Variants in UTP20 observed in about 807,000 individuals in gnomAD.
UTP20 encodes UTP20 small subunit processome component.
Under a neutral mutation model 329.5 loss-of-function variants are expected in UTP20, and 164 were observed. The observed-to-expected ratio is 0.50, with a 90% CI of 0.44 to 0.57. The LOEUF is 0.57. Ranked by LOEUF, UTP20 falls within the 20% of genes least tolerant of loss-of-function variation. UTP20 has a pLI of 0.00. For missense variants in UTP20, 3,055 were observed against 3,284.2 expected, an observed-to-expected ratio of 0.93 and a Z score of 1.71; for synonymous variants, 1,151 against 1,159.3, an observed-to-expected ratio of 0.99 and a Z score of 0.14.
chr12:101,367,867 A>T lies in UTP20; in HGVS notation c.6275A>T (p.His2092Leu), dbSNP rs1187769913. Residue 2092 changes from histidine (H) to leucine (L), a missense_variant, in exon 48 of 62, where the codon CAT becomes CTT. Physicochemically the swap from His to Leu is moderately conservative, Grantham distance 99. This residue lies in a region of UTP20 where 2,445 missense variants were observed against 2,575.5 expected (regional missense o/e 0.95). Transcript: ENST00000261637. ...CTGTTTGAACTCTCTTAGCTGCTGC[A>T]TCTGAGTCTGAAGACTTCCAAGATC... ...IFIESGLRLL[H>L]LSLKTSKIKS... 4 of 1,612,610 alleles carry T rather than the reference A, an allele frequency of 2.5e-6. No individual in the cohort carries two copies. Among genetic ancestry groups the T allele is most frequent in the East Asian group, 2.2e-5 (1 of 44,866 alleles).
chr12:101,309,746 G>A lies in UTP20; in HGVS notation c.2155-17G>A. On this transcript the variant is annotated splice_polypyrimidine_tract_variant and intron_variant, in intron 18 of 61. Transcript: ENST00000261637. ...TATTTCATTACCCAATACTAAACTAGTCTTTTGTAATTGCAGGTGCCGCTT... is the reference window on the plus strand; with the variant it reads ...TATTTCATTACCCAATACTAAACTAATCTTTTGTAATTGCAGGTGCCGCTT... 1 of 1,611,056 alleles carries A rather than the reference G, an allele frequency of 6.2e-7. No individual in the cohort carries two copies.
chr12:101,295,537 G>A lies in UTP20; in HGVS notation c.1309G>A (p.Val437Ile), dbSNP rs1362473601. ...GAATTGCTTCTTAATTGATGATGCT[G>A]TAGTCAAAGATGAAGCTCTGGCCAT... ...IVNCFLIDDA[V>I]VKDEALAILA... The change falls in exon 12 of 62, where the codon GTA becomes ATA. Residue 437 changes from valine (V) to isoleucine (I), a missense_variant. This residue lies in a region of UTP20 where 2,445 missense variants were observed against 2,575.5 expected (regional missense o/e 0.95). Transcript: ENST00000261637. The A allele has an allele frequency of 3.7e-6, 6 of 1,612,356 alleles. No homozygotes were observed. Among genetic ancestry groups the A allele is most frequent in the Non-Finnish European group, 5.1e-6 (6 of 1,179,392 alleles).
intron 25 of UTP20, among the ~76,000 whole-genome samples, chr12:101,325,410 C>T (rs1868521007): frequency 6.6e-6 from 1 of 152,176 alleles, no homozygotes; most frequent in African/African-American, 2.4e-5. Context: ...AAGACATTAT[C>T]TTTTTCACTG....
At chr12:101,286,835 C>G (rs1871975778) in intron 5 of UTP20, among the ~76,000 whole-genome samples, 1 of 152,070 alleles carries the variant, frequency 6.6e-6, no homozygotes, top group African/African-American at 2.4e-5. Context: ...TGTCACACAA[C>G]TTTTACCAGA....
intron 12 of UTP20, among the ~76,000 whole-genome samples, chr12:101,298,284 A>G (rs1005417313): frequency 9.2e-5 from 14 of 152,148 alleles, no homozygotes; most frequent in African/African-American, 3.4e-4. Flanking sequence ...TGATCGTGAT[A>G]AAAGAAGACA....
At position 101,379,320 on chromosome 12, in the gene UTP20, TCTAATCAGGAAGGCCATGTGA is replaced by T. The variant is rs754566708; in HGVS notation, c.7397-49_7397-29del. The T allele has an allele frequency of 2.2e-5, 32 of 1,485,600 alleles. No individual in the cohort carries two copies. In the South Asian group the frequency reaches 3.7e-4, roughly 17 times the overall value. The allele number at this position is 1,485,600 out of a possible 1,614,324, so 92.0% of individuals were successfully genotyped here. ...AATGCTTAACTTAGTCATATTTACC[TCTAATCAGGAAGGCCATGTGA>T]CATCCACAAATGCTTTTTGGTTCCC... On this transcript the variant is annotated intron_variant, in intron 56 of 61. Transcript: ENST00000261637.
intron 25 of UTP20, chr12:101,326,757 T>C (rs565548526): frequency 6.1e-6 from 1 of 164,994 alleles, no homozygotes; most frequent in South Asian, 2.0e-4. Flanking sequence ...TGTTTGAATT[T>C]TTGAATTTTT....
At chr12:101,292,799 G>A (rs1872208155) in intron 10 of UTP20, among the ~76,000 whole-genome samples, 1 of 152,210 alleles carries the variant, frequency 6.6e-6, no homozygotes, top group Non-Finnish European at 1.5e-5. Context: ...AGAATTCCAA[G>A]CAGGGATATG....
Position 101,375,747 on chromosome 12 carries a change from A to G in UTP20, c.7387A>G (p.Lys2463Glu). The stretch of plus-strand genomic sequence containing the variant: ...TACCAAACCCGCTGAGACTTTGAGT[A>G]AAATCTGGAGTAAGTATTTCCTTTT... ...QFTKPAETLS[K>E]IWSHVHSHLR... The change falls in exon 56 of 62, where the codon AAA becomes GAA. Residue 2463 changes from lysine to glutamate, a missense_variant. Physicochemically the swap from Lys to Glu is moderately conservative, Grantham distance 56. Coordinates refer to ENST00000261637, the MANE Select transcript of UTP20 (RefSeq NM_014503.3). 1 of 1,557,090 alleles carries G rather than the reference A, an allele frequency of 6.4e-7. No homozygotes were observed. Among genetic ancestry groups the G allele is most frequent in the Non-Finnish European group, 8.8e-7 (1 of 1,135,104 alleles).
intron 38 of UTP20, among the ~76,000 whole-genome samples, chr12:101,349,227 T>G (rs1431921728): frequency 1.3e-5 from 2 of 152,044 alleles, no homozygotes; most frequent in Non-Finnish European, 2.9e-5. Context: ...AGACAGTTTC[T>G]GGATTTTTTT....
At chr12:101,302,783 T>A (rs1257014357) in intron 15 of UTP20, among the ~76,000 whole-genome samples, 3 of 151,932 alleles carry the variant, frequency 2.0e-5, no homozygotes. Flanking sequence ...GTGTGTAGAT[T>A]AATGTCGTAA....
intron 2 of UTP20, among the ~76,000 whole-genome samples, chr12:101,281,698 A>G (rs1188791822): frequency 1.3e-5 from 2 of 152,058 alleles, no homozygotes; most frequent in African/African-American, 4.8e-5. Context: ...CCTTTATTTT[A>G]CTTTTATTTA....
chr12:101,282,044 G>A (rs115203631), intron 2 of UTP20, among the ~76,000 whole-genome samples: 350 of 152,166 alleles, frequency 2.3e-3, no homozygotes, highest in African/African-American at 7.3e-3. Context: ...GCATCATGTC[G>A]TTATTCCTCC....
At chr12:101,328,789 G>A (rs1405918716) in intron 26 of UTP20, among the ~76,000 whole-genome samples, 1 of 151,256 alleles carries the variant, frequency 6.6e-6, no homozygotes, top group African/African-American at 2.4e-5. Flanking sequence ...GAACCGCGTG[G>A]ACCCGGGAGG....
chr12:101,354,976 C>T lies in UTP20; in HGVS notation c.5252C>T (p.Ser1751Leu). The T allele has an allele frequency of 1.2e-6, 2 of 1,614,182 alleles. No homozygotes were observed. Among genetic ancestry groups the T allele is most frequent in the Non-Finnish European group, 1.7e-6 (2 of 1,180,038 alleles). The change falls in exon 41 of 62, where the codon TCA becomes TTA. Residue 1751 changes from serine to leucine, a missense_variant. Transcript: ENST00000261637. ...TPDPADSGGTSAKESECITKP... is the reference protein window; with the variant it reads ...TPDPADSGGTLAKESECITKP... ...GATCCAGCTGACTCTGGAGGAACAT[C>T]AGCTAAAGAATCCGAGTGTATCACA...
intron 43 of UTP20, among the ~76,000 whole-genome samples, chr12:101,360,280 T>C (rs1869868825): frequency 6.6e-6 from 1 of 152,204 alleles, no homozygotes; most frequent in Non-Finnish European, 1.5e-5. Context: ...TGTGTACCTT[T>C]AGTGCCAGCA....
At chr12:101,329,127 A>C in intron 26 of UTP20, 114 bp from the exon 27 acceptor site, 2 of 903,798 alleles carry the variant, frequency 2.2e-6, no homozygotes, top group South Asian at 3.4e-5. Context: ...ATAAATTACC[A>C]TGACAGTAGA....
chr12:101,341,028 T>C (rs1593439808), intron 32 of UTP20, among the ~76,000 whole-genome samples: 1 of 126,146 alleles, frequency 7.9e-6, no homozygotes, highest in African/African-American at 3.1e-5. Context: ...CAGGCTGGTG[T>C]GCAATGGCAA....
intron 43 of UTP20, among the ~76,000 whole-genome samples, chr12:101,358,054 C>T (rs924279109): frequency 6.6e-6 from 1 of 152,098 alleles, no homozygotes; most frequent in Non-Finnish European, 1.5e-5. Flanking sequence ...TTGGTACAGT[C>T]GACGTGATTA....
Sources: gnomAD v4.1 joint callset for allele counts (sites outside exome capture counted in the v4.1 genomes callset) on GRCh38, gnomAD v4.1.1 for gene constraint, gnomAD v4.1.1 regional missense constraint, MANE v1.5 for transcripts, NCBI Gene and HGNC (gene_info 2026-07-23, HGNC 2026-07-21) for gene names.